The following IL1RL1 variants were observed in gnomAD, a reference collection of about 807,000 sequenced individuals.
IL1RL1 encodes interleukin-1 receptor-like 1.
A neutral mutation model predicts 50.9 loss-of-function variants in IL1RL1; 32 were observed. That is an observed-to-expected ratio of 0.63 (90% CI 0.47 to 0.84). IL1RL1 has a LOEUF of 0.84. Ranked by LOEUF, IL1RL1 falls within the 40% of genes least tolerant of loss-of-function variation. IL1RL1 has a pLI of 0.00. For missense variants in IL1RL1, 773 were observed against 662.9 expected, an observed-to-expected ratio of 1.17 and a Z score of -1.82; for synonymous variants, 275 against 236.0, an observed-to-expected ratio of 1.17 and a Z score of -1.51.
At chr2:102,333,511 G>A (rs1677228906) in intron 1 of IL1RL1, among the ~76,000 whole-genome samples, 2 of 152,164 alleles carry the variant, frequency 1.3e-5, no homozygotes, top group South Asian at 4.1e-4. Flanking sequence ...GGAGGCTGGA[G>A]GAGATCAGAA....
chr2:102,325,520 G>A (rs1676971881), intron 1 of IL1RL1, among the ~76,000 whole-genome samples: 1 of 152,200 alleles, frequency 6.6e-6, no homozygotes, highest in Non-Finnish European at 1.5e-5. Flanking sequence ...TTGACGAGTT[G>A]AGAGAAGAAG....
chr2:102,316,478 A>G (rs1676676165), intron 1 of IL1RL1, among the ~76,000 whole-genome samples: 1 of 152,168 alleles, frequency 6.6e-6, no homozygotes, highest in Non-Finnish European at 1.5e-5. Flanking sequence ...CCTGGGCCCT[A>G]TGGTAGAATT....
rs1677829121 is a variant in IL1RL1 at position 102,347,974 on chromosome 2, G to T, written c.1000G>T (p.Ala334Ser). The stretch of plus-strand genomic sequence containing the variant: ...TCATCATAGCATCTACTGCATAATT[G>T]CAGTATGTAGTGTATTTTTAATGCT... ...IDHHSIYCII[A>S]VCSVFLMLIN... The change falls in exon 9 of 11, where the codon GCA becomes TCA. Residue 334 changes from alanine (A) to serine (S), a missense_variant. By Grantham distance (99) the Ala-to-Ser change is moderately conservative. Coordinates refer to ENST00000233954, the MANE Select transcript of IL1RL1 (RefSeq NM_016232.5). 6.4e-7 allele frequency: 1 copy of T among 1,552,576 alleles called. No individual in the cohort carries two copies. Among genetic ancestry groups the T allele is most frequent in the African/African-American group, 1.4e-5 (1 of 73,676 alleles).
chr2:102,320,443 G>A (rs1676802899), intron 1 of IL1RL1, among the ~76,000 whole-genome samples: 1 of 152,132 alleles, frequency 6.6e-6, no homozygotes, highest in African/African-American at 2.4e-5. Context: ...CTGGTCTCAT[G>A]GGTTTAATTT....
intron 8 of IL1RL1, chr2:102,344,716 C>T (rs949838117): frequency 1.1e-6 from 1 of 942,180 alleles, no homozygotes; most frequent in African/African-American, 1.8e-5. Context: ...AATGAATGCA[C>T]AACCAAATTA....
At chr2:102,342,945 T>G in intron 6 of IL1RL1, 91 bp from the exon 7 acceptor site, 1 of 1,276,656 alleles carries the variant, frequency 7.8e-7, no homozygotes, top group Non-Finnish European at 1.1e-6. Flanking sequence ...GCATACTAAG[T>G]GTTCAGTAAG....
At chr2:102,313,492 T>C (rs1452749107) in intron 1 of IL1RL1, 2 of 152,226 alleles carry the variant, frequency 1.3e-5, no homozygotes, top group African/African-American at 4.8e-5. Context: ...TGTTTGGAGA[T>C]GTGGCCGCAT....
At chr2:102,336,891 G>A (rs772727057) in intron 1 of IL1RL1, among the ~76,000 whole-genome samples, 2 of 152,114 alleles carry the variant, frequency 1.3e-5, no homozygotes, top group Non-Finnish European at 2.9e-5. Flanking sequence ...CAAGGCTGGC[G>A]GAGCTTTCCT....
chr2:102,334,010 A>G (rs936041667), intron 1 of IL1RL1, among the ~76,000 whole-genome samples: 5 of 152,230 alleles, frequency 3.3e-5, no homozygotes, highest in African/African-American at 1.2e-4. Flanking sequence ...TGGTTCCATG[A>G]CTTTCCTATT....
intron 1 of IL1RL1, among the ~76,000 whole-genome samples, chr2:102,318,063 AG>A (rs1573128329): frequency 6.6e-6 from 1 of 152,276 alleles, no homozygotes; most frequent in South Asian, 2.1e-4. Flanking sequence ...ACAGACCCCC[AG>A]GGGGTCTTCT....
chr2:102,323,091 A>G (rs1490075759), intron 1 of IL1RL1, among the ~76,000 whole-genome samples: 1 of 151,794 alleles, frequency 6.6e-6, no homozygotes, highest in Non-Finnish European at 1.5e-5. Context: ...TCTCCTGTTG[A>G]TAGACATTTG....
intron 1 of IL1RL1, among the ~76,000 whole-genome samples, chr2:102,311,831 T>TAATTGTAATATATAATATA: frequency 2.2e-5 from 2 of 92,222 alleles, no homozygotes; most frequent in African/African-American, 9.2e-5. Flanking sequence ...ATATAATATA[T>TAATTGTAATATATAATATA]ATTATATAAT....
chr2:102,313,684 C>T (rs770618002), intron 1 of IL1RL1, among the ~76,000 whole-genome samples: 1 of 152,178 alleles, frequency 6.6e-6, no homozygotes, highest in East Asian at 1.9e-4. Context: ...AAGGGAGAGC[C>T]CCGCAAGGAT....
intron 1 of IL1RL1, among the ~76,000 whole-genome samples, chr2:102,336,103 G>T (rs991417851): frequency 1.3e-5 from 2 of 152,142 alleles, no homozygotes; most frequent in Non-Finnish European, 2.9e-5. Context: ...GAGCAAAGAC[G>T]CTGGCTCAAA....
intron 8 of IL1RL1, chr2:102,344,925 C>A: frequency 1.0e-6 from 1 of 969,048 alleles, no homozygotes; most frequent in Non-Finnish European, 1.2e-6. Flanking sequence ...TATAATTTGA[C>A]ACAATAAAAG....
intron 1 of IL1RL1, among the ~76,000 whole-genome samples, chr2:102,316,027 C>T (rs928650937): frequency 1.3e-5 from 2 of 152,158 alleles, no homozygotes; most frequent in Admixed American, 1.3e-4. Flanking sequence ...TCTCAGTCTG[C>T]CAGTGATGGT....
At chr2:102,343,009 T>C (rs746223192) in intron 6 of IL1RL1, 27 bp from the exon 7 acceptor site, 1 of 1,599,304 alleles carries the variant, frequency 6.3e-7, no homozygotes, top group Non-Finnish European at 8.5e-7. Flanking sequence ...GTTAATTTTA[T>C]TGGTGAATGT....
intron 1 of IL1RL1, among the ~76,000 whole-genome samples, chr2:102,312,488 GT>G (rs1307672964): frequency 6.6e-6 from 1 of 151,922 alleles, no homozygotes; most frequent in Non-Finnish European, 1.5e-5. Context: ...TACACACAGA[GT>G]GCTCATATTC....
In IL1RL1 at chr2:102,340,142, A is replaced by G. The variant is rs1351979473; in HGVS notation, c.317A>G (p.Lys106Arg). The G allele has an allele frequency of 6.3e-7, 1 of 1,586,186 alleles. No homozygotes were observed. Among genetic ancestry groups the G allele is most frequent in the Non-Finnish European group, 8.6e-7 (1 of 1,166,180 alleles). The change falls in exon 4 of 11, where the codon AAA (lysine) becomes AGA (arginine). Residue 106 changes from lysine (K) to arginine (R), a missense_variant. By Grantham distance (26) the Lys-to-Arg change is conservative. Coordinates refer to ENST00000233954, the MANE Select transcript of IL1RL1 (RefSeq NM_016232.5). The part of the protein sequence containing the change: ...RTGYANVTIY[K>R]KQSDCNVPDY... ...GGATATGCGAATGTCACCATATATA[A>G]AAAACAATCAGATTGCAATGTTCCA... is the stretch of plus-strand genomic sequence containing the variant.
Sources: allele counts gnomAD v4.1 joint callset (sites outside exome capture counted in the v4.1 genomes callset), GRCh38; gene constraint gnomAD v4.1.1; transcripts MANE v1.5; gene names NCBI Gene and HGNC (gene_info 2026-07-23, HGNC 2026-07-21).